The following UNC79 variants were observed in gnomAD, a reference collection of about 807,000 sequenced individuals.
UNC79 encodes the protein unc-79 subunit of NALCN channel complex.
Under a neutral mutation model 283.1 loss-of-function variants are expected in UNC79, and 37 were observed. The ratio of observed to expected loss-of-function variants is 0.13; its 90% confidence interval spans 0.10 to 0.17. The LOEUF (loss-of-function observed/expected upper bound fraction) is 0.17, where lower values mean the gene tolerates loss of function less well. UNC79 is among the 10% of genes least tolerant of loss of function. The probability of loss-of-function intolerance (pLI) is 1.00; values close to 1 mark genes in which losing one functional copy is unlikely to be tolerated. For missense variants in UNC79, 2,272 were observed against 3,211.1 expected, an observed-to-expected ratio of 0.71 and a Z score of 7.07; for synonymous variants, 1,107 against 1,200.2, an observed-to-expected ratio of 0.92 and a Z score of 1.61.
intron 1 of UNC79, among the ~76,000 whole-genome samples, chr14:93,353,128 C>T (rs577292581): frequency 6.6e-6 from 1 of 152,228 alleles, no homozygotes; most frequent in African/African-American, 2.4e-5. Flanking sequence ...CTACTTCTTT[C>T]TTCTCCACAG....
At chr14:93,335,180 G>T (rs1184450737) in intron 1 of UNC79, 1 of 152,184 alleles carries the variant, frequency 6.6e-6, no homozygotes, top group Non-Finnish European at 1.5e-5. Flanking sequence ...TGCACAGCTG[G>T]AGACTTCTAG....
In UNC79 at chr14:93,474,314, T is replaced by A; in HGVS notation, c.369T>A (p.Pro123=). The stretch of plus-strand genomic sequence containing the variant: ...GTGATGCTCAGTTGTCAGACTACCC[T>A]TCTTTGGACTACCAAGGCCTCTACG... The change falls in exon 3 of 49, where the codon CCT becomes CCA. Residue 123 remains proline (P), a synonymous_variant. Transcript: ENST00000555664. This position sits in a 1 kb window ranked among gnomAD's most constrained non-coding sequence, Gnocchi z 4.1. The A allele has an allele frequency of 6.5e-7, 1 of 1,536,088 alleles. No homozygotes were observed. Among genetic ancestry groups the A allele is most frequent in the Non-Finnish European group, 8.7e-7 (1 of 1,146,880 alleles).
Position 93,582,307 on chromosome 14 carries a change from G to T in UNC79, c.2766G>T (p.Glu922Asp), listed in dbSNP as rs767834661. The T allele has an allele frequency of 4.3e-6, 7 of 1,614,036 alleles. No homozygotes were observed. In the East Asian group the frequency reaches 1.6e-4, roughly 36 times the overall value. The stretch of plus-strand genomic sequence containing the variant: ...AGAATCCTGCAAGCAAGCATGGGGA[G>T]AACCCAGGCAACTGCACCGAGCCCG... The change falls in exon 20 of 49, where the codon GAG becomes GAT. Residue 922 changes from glutamate (E) to aspartate (D), a missense_variant. Glu to Asp is a conservative substitution (Grantham distance 45, BLOSUM62 2). Transcript: ENST00000555664.
chr14:93,633,450 T>G (rs1030315725), intron 31 of UNC79, among the ~76,000 whole-genome samples: 11 of 152,232 alleles, frequency 7.2e-5, no homozygotes, highest in Admixed American at 3.3e-4. Flanking sequence ...GTGAAATGTG[T>G]GTATAACATT....
intron 47 of UNC79, among the ~76,000 whole-genome samples, chr14:93,694,926 C>T (rs919351379): frequency 1.3e-5 from 2 of 152,276 alleles, no homozygotes; most frequent in Admixed American, 6.5e-5. Flanking sequence ...TTCTCTAAGA[C>T]AAATTAATTT....
intron 14 of UNC79, among the ~76,000 whole-genome samples, chr14:93,561,845 G>A (rs2062575617): frequency 6.6e-6 from 1 of 152,182 alleles, no homozygotes; most frequent in Admixed American, 6.5e-5. Flanking sequence ...ATAAACAAGA[G>A]TAGGGCATTT....
At chr14:93,532,476 T>C in intron 10 of UNC79, 74 bp from the exon 11 acceptor site, 2 of 1,526,396 alleles carry the variant, frequency 1.3e-6, no homozygotes, top group South Asian at 2.5e-5. Context: ...TCTCAAAAAA[T>C]AAATTAATTA....
At chr14:93,551,231 A>C (rs925436263) in intron 14 of UNC79, among the ~76,000 whole-genome samples, 1 of 152,094 alleles carries the variant, frequency 6.6e-6, no homozygotes, top group South Asian at 2.1e-4. Context: ...CTGTATTTTT[A>C]GTAGAGACGG....
At chr14:93,641,962 A>G (rs1472182788) in intron 33 of UNC79, among the ~76,000 whole-genome samples, 4 of 152,190 alleles carry the variant, frequency 2.6e-5, no homozygotes, top group Admixed American at 1.3e-4. Flanking sequence ...GCCTCCTGCC[A>G]TGTAAGATGT....
intron 1 of UNC79, among the ~76,000 whole-genome samples, chr14:93,374,711 A>T (rs565134711): frequency 4.6e-5 from 7 of 152,134 alleles, no homozygotes; most frequent in South Asian, 4.2e-4. Flanking sequence ...GCTAATTTTT[A>T]AAAAATATTA....
chr14:93,670,366 C>A (rs8003481), intron 40 of UNC79, among the ~76,000 whole-genome samples: 2 of 152,284 alleles, frequency 1.3e-5, no homozygotes, highest in African/African-American at 2.4e-5. Flanking sequence ...TTGTTTTACC[C>A]GTGCTTTTGT....
At chr14:93,673,379 G>A in exon 41 of UNC79, 1 of 1,612,902 alleles carries the variant, frequency 6.2e-7, no homozygotes, top group Non-Finnish European at 8.5e-7. Flanking sequence ...TTGTCTCGTA[G>A]TGTTGTTCTA....
chr14:93,567,881 C>T (rs984040358), intron 14 of UNC79, among the ~76,000 whole-genome samples: 15 of 152,072 alleles, frequency 9.9e-5, no homozygotes, highest in Admixed American at 2.0e-4. Flanking sequence ...CATGAGACAT[C>T]AATCAATATA....
chr14:93,485,416 C>T (rs745600338), intron 4 of UNC79, among the ~76,000 whole-genome samples: 5 of 151,838 alleles, frequency 3.3e-5, no homozygotes, highest in Non-Finnish European at 7.4e-5. Context: ...AAAGAGTGGT[C>T]CAAAGCCAGC....
chr14:93,683,038 C>T (rs573957405), intron 42 of UNC79, among the ~76,000 whole-genome samples: 2 of 152,034 alleles, frequency 1.3e-5, no homozygotes, highest in East Asian at 3.9e-4. Flanking sequence ...TCTATTGTAA[C>T]TAATATGCAA....
intron 7 of UNC79, among the ~76,000 whole-genome samples, chr14:93,498,072 T>G (rs1170689800): frequency 6.6e-6 from 1 of 151,808 alleles, no homozygotes; most frequent in East Asian, 1.9e-4. Context: ...AGATGGGCGG[T>G]TCGCCTGAGG....
intron 27 of UNC79, among the ~76,000 whole-genome samples, chr14:93,615,966 T>C (rs1038060155): frequency 6.6e-5 from 10 of 152,096 alleles, no homozygotes; most frequent in Non-Finnish European, 1.5e-4. Flanking sequence ...TTATACATAC[T>C]GATATATATG....
chr14:93,510,050 C>T (rs2059745630), intron 7 of UNC79, among the ~76,000 whole-genome samples: 1 of 152,222 alleles, frequency 6.6e-6, no homozygotes, highest in Non-Finnish European at 1.5e-5. Flanking sequence ...GGCTTAACAC[C>T]ACATGGAAGC....
intron 1 of UNC79, among the ~76,000 whole-genome samples, chr14:93,352,554 A>C (rs575497793): frequency 6.6e-6 from 1 of 152,032 alleles, no homozygotes; most frequent in East Asian, 1.9e-4. Flanking sequence ...TTAATTTTAC[A>C]CTCATAAAGG....
Sources: gnomAD v4.1 joint callset for allele counts (sites outside exome capture counted in the v4.1 genomes callset) on GRCh38, gnomAD v4.1.1 for gene constraint, Gnocchi (gnomAD v3.1) non-coding constraint, MANE v1.5 for transcripts, NCBI Gene and HGNC (gene_info 2026-07-23, HGNC 2026-07-21) for gene names.